Variants in AHCTF1 observed in about 807,000 individuals in gnomAD.
AHCTF1 encodes protein ELYS.
AHCTF1 carries 24 observed loss-of-function variants against 248.4 expected under a neutral mutation model. The ratio of observed to expected loss-of-function variants is 0.10; its 90% CI spans 0.07 to 0.14. AHCTF1 has a LOEUF of 0.14. AHCTF1 is among the 10% of genes least tolerant of loss of function. The probability of loss-of-function intolerance (pLI) is 1.00; values close to 1 mark genes in which losing one functional copy is unlikely to be tolerated. For missense variants in AHCTF1, 2,206 were observed against 2,636.2 expected (o/e 0.84, Z 3.57); for synonymous variants, 786 against 929.8 (o/e 0.85, Z 2.81).
intron 33 of AHCTF1, among the ~76,000 whole-genome samples, chr1:246,848,206 C>T (rs576809294): frequency 6.6e-6 from 1 of 151,976 alleles, no homozygotes; most frequent in Non-Finnish European, 1.5e-5. Context: ...CAAACTGTAT[C>T]AGTACAACAA....
At chr1:246,876,334 C>T (rs1572402659) in intron 23 of AHCTF1, 147 bp from the exon 24 acceptor site, 1 of 653,316 alleles carries the variant, frequency 1.5e-6, no homozygotes, top group East Asian at 2.9e-5. Flanking sequence ...AGAACTTCAT[C>T]CACATATCTA....
At chr1:246,862,636 G>T (rs12068067) in intron 27 of AHCTF1, among the ~76,000 whole-genome samples, 32 of 152,028 alleles carry the variant, frequency 2.1e-4, no homozygotes, top group African/African-American at 7.7e-4. Context: ...CTTTTTATAC[G>T]TAAGTCTACG....
At chr1:246,909,825 T>C (rs981466076) in intron 4 of AHCTF1, among the ~76,000 whole-genome samples, 1 of 152,192 alleles carries the variant, frequency 6.6e-6, no homozygotes, top group Non-Finnish European at 1.5e-5. Context: ...TCCTGTACAC[T>C]GTAGGACGCT....
rs1235402536 is a variant in AHCTF1 at position 246,930,583 on chromosome 1, GT to G, written c.-8+994del. Among the ~76,000 whole-genome samples, 292 of 139,956 alleles carry G rather than the reference GT, an allele frequency of 2.1e-3. 1 individual carries two copies. Among genetic ancestry groups the G allele is most frequent in the African/African-American group, 7.3e-3 (279 of 38,180 alleles). 91.8% of individuals were successfully genotyped at this position (139,956 alleles called of 152,430 possible). On this transcript the variant is annotated intron_variant, in intron 1 of 35. Coordinates refer to ENST00000648844, the MANE Select transcript of AHCTF1 (RefSeq NM_001323342.2). ...ATCAGTGAAAGCTCACAAAAAAACA[GT>G]TTAAAAAAAAAAAAGGGGGGGTCTC...
intron 14 of AHCTF1, among the ~76,000 whole-genome samples, chr1:246,894,403 T>C (rs1261090815): frequency 1.3e-5 from 2 of 152,024 alleles, no homozygotes; most frequent in Non-Finnish European, 2.9e-5. Flanking sequence ...AAACCCCGTC[T>C]CTACTAAAAA....
intron 33 of AHCTF1, among the ~76,000 whole-genome samples, chr1:246,846,693 A>T (rs2103034025): frequency 6.6e-6 from 1 of 152,266 alleles, no homozygotes; most frequent in South Asian, 2.1e-4. Context: ...ATATGAAAAA[A>T]AAAGAAATAT....
chr1:246,899,966 A>G (rs535802148), intron 10 of AHCTF1, 99 bp downstream of exon 10: 16 of 1,200,512 alleles, frequency 1.3e-5, no homozygotes, highest in East Asian at 9.9e-5. Flanking sequence ...ACAGTGAGAT[A>G]CAAACAGATA....
chr1:246,892,128 T>A (rs1285150932), intron 14 of AHCTF1, among the ~76,000 whole-genome samples: 2 of 152,042 alleles, frequency 1.3e-5, no homozygotes, highest in Non-Finnish European at 2.9e-5. Context: ...AGTGAGACTA[T>A]GAACTCAAAT....
At chr1:246,876,862 C>A in intron 23 of AHCTF1, 88 bp downstream of exon 23, 1 of 1,484,830 alleles carries the variant, frequency 6.7e-7, no homozygotes, top group Non-Finnish European at 9.1e-7. Flanking sequence ...CAGTGGTTAC[C>A]AAACTGTAAG....
chr1:246,871,704 A>G (rs1662599803), intron 24 of AHCTF1, among the ~76,000 whole-genome samples: 1 of 152,112 alleles, frequency 6.6e-6, no homozygotes, highest in Non-Finnish European at 1.5e-5. Context: ...CCATGCCTAC[A>G]GTGCATTTTT....
At chr1:246,874,451 G>C (rs1168275199) in intron 24 of AHCTF1, among the ~76,000 whole-genome samples, 1 of 152,100 alleles carries the variant, frequency 6.6e-6, no homozygotes, top group Admixed American at 6.5e-5. Context: ...AAAAGGAAGG[G>C]AACAGCTAGC....
At position 246,842,681 on chromosome 1, in the gene AHCTF1, C is replaced by A. The variant is rs376073830; in HGVS notation, c.6608+13G>T. 5.7e-4 allele frequency: 921 copies of A among 1,611,388 alleles called. No homozygotes were observed. The highest frequency in any genetic ancestry group is 1.3e-3 in the Middle Eastern group (7 of 5,340). ...ATCAATCAATCAATCAAGAACAGAACAGAAAGTCATACTTGCTTGCTTGTT... is the reference window on the plus strand; with the variant it reads ...ATCAATCAATCAATCAAGAACAGAAAAGAAAGTCATACTTGCTTGCTTGTT... On this transcript the variant is annotated intron_variant, in intron 35 of 35. Coordinates refer to ENST00000648844, the MANE Select transcript of AHCTF1 (RefSeq NM_001323342.2).
intron 29 of AHCTF1, among the ~76,000 whole-genome samples, chr1:246,858,358 T>C (rs1283983125): frequency 1.3e-5 from 2 of 152,202 alleles, no homozygotes; most frequent in Non-Finnish European, 2.9e-5. Flanking sequence ...AACTGTTTTA[T>C]ATACATTAAC....
chr1:246,876,893 A>G, intron 23 of AHCTF1, 57 bp downstream of exon 23: 2 of 1,585,180 alleles, frequency 1.3e-6, no homozygotes, highest in Non-Finnish European at 1.7e-6. Context: ...ACAACCAAAA[A>G]AGCCTCCAGT....
Position 246,900,414 on chromosome 1 carries a change from T to C in AHCTF1, c.1173A>G (p.Gly391=), listed in dbSNP as rs752228896. ...SVFTWQVNIY[G]QGKPSVYLGL... ...CCAAATATACAGAAGGCTTTCCCTG[T>C]CCATATATATTCACCTGCCAGGTAA... is the stretch of plus-strand genomic sequence containing the variant. The change falls in exon 9 of 36, where the codon GGA becomes GGG. Residue 391 remains glycine (G), a synonymous_variant. Transcript: ENST00000648844. 1.3e-6 allele frequency: 2 copies of C among 1,599,814 alleles called. No homozygotes were observed. Among genetic ancestry groups the C allele is most frequent in the South Asian group, 2.3e-5 (2 of 87,062 alleles).
At chr1:246,872,150 C>G (rs1662642593) in intron 24 of AHCTF1, among the ~76,000 whole-genome samples, 1 of 146,040 alleles carries the variant, frequency 6.8e-6, no homozygotes, top group Admixed American at 6.8e-5. Flanking sequence ...AATAACAAAA[C>G]AAAACAAACC....
At chr1:246,900,502 T>A in intron 8 of AHCTF1, 33 bp from the exon 9 acceptor site, 1 of 1,570,988 alleles carries the variant, frequency 6.4e-7, no homozygotes, top group Non-Finnish European at 8.6e-7. Context: ...AAAAACAGAA[T>A]AAAGAATCTC....
chr1:246,927,253 C>G (rs1289716350), intron 1 of AHCTF1, among the ~76,000 whole-genome samples: 1 of 151,852 alleles, frequency 6.6e-6, no homozygotes, highest in Admixed American at 6.6e-5. Flanking sequence ...GAGGCCAAGG[C>G]GGGAGAATGG....
At chr1:246,914,734 A>G (rs1240226750) in intron 3 of AHCTF1, among the ~76,000 whole-genome samples, 2 of 151,940 alleles carry the variant, frequency 1.3e-5, no homozygotes, top group Admixed American at 6.6e-5. Context: ...GTCTATCGCT[A>G]CTCCCCCATC....
Sources: allele counts gnomAD v4.1 joint callset (sites outside exome capture counted in the v4.1 genomes callset), GRCh38; gene constraint gnomAD v4.1.1; transcripts MANE v1.5; gene names NCBI Gene and HGNC (gene_info 2026-07-23, HGNC 2026-07-21).